The following SEMA3A variants were observed in gnomAD, a reference collection of about 807,000 sequenced individuals.
SEMA3A encodes the protein semaphorin 3A.
A neutral mutation model predicts 97.9 loss-of-function variants in SEMA3A; 29 were observed. The ratio of observed to expected loss-of-function variants is 0.30; its 90% CI spans 0.22 to 0.40. The LOEUF is 0.40. Among genes scored for constraint, SEMA3A ranks in the 10% least tolerant of loss-of-function variants. The pLI, the probability that SEMA3A is intolerant of heterozygous loss-of-function variation, is 1.00. For missense variants in SEMA3A, 763 were observed against 951.3 expected (o/e 0.80, Z 2.60); for synonymous variants, 321 against 323.7 (o/e 0.99, Z 0.09).
At chr7:84,225,915 A>C (rs1373159768) in intron 3 of SEMA3A, among the ~76,000 whole-genome samples, 1 of 152,142 alleles carries the variant, frequency 6.6e-6, no homozygotes, top group African/African-American at 2.4e-5. Context: ...GCACTTAAAC[A>C]GTTGTGGATG....
At chr7:84,042,055 C>T (rs1267533826) in intron 6 of SEMA3A, among the ~76,000 whole-genome samples, 3 of 152,024 alleles carry the variant, frequency 2.0e-5, no homozygotes, top group African/African-American at 7.2e-5. Flanking sequence ...TGTTAACTTG[C>T]GTATTCATAG....
At chr7:84,052,498 T>G (rs550717373) in intron 5 of SEMA3A, among the ~76,000 whole-genome samples, 27 of 152,308 alleles carry the variant, frequency 1.8e-4, no homozygotes, top group African/African-American at 6.3e-4. Context: ...TTTATTTGTG[T>G]AGAGGTGTTT....
intron 1 of SEMA3A, among the ~76,000 whole-genome samples, chr7:84,415,717 G>A (rs1167179272): frequency 6.6e-6 from 1 of 151,838 alleles, no homozygotes; most frequent in Non-Finnish European, 1.5e-5. Flanking sequence ...AGCATGTTTT[G>A]GCATTTTTTC....
At chr7:84,119,725 A>T (rs1197469566) in intron 3 of SEMA3A, among the ~76,000 whole-genome samples, 1 of 152,196 alleles carries the variant, frequency 6.6e-6, no homozygotes, top group East Asian at 1.9e-4. Flanking sequence ...AGACACATAT[A>T]GAAGAATACT....
intron 1 of SEMA3A, among the ~76,000 whole-genome samples, chr7:84,489,546 G>T (rs1227933709): frequency 6.6e-6 from 1 of 152,090 alleles, no homozygotes; most frequent in East Asian, 1.9e-4. Flanking sequence ...TTAGAACTCT[G>T]GAAGTAGTTG....
chr7:84,477,325 G>C (rs1043612342), intron 1 of SEMA3A, among the ~76,000 whole-genome samples: 1 of 149,348 alleles, frequency 6.7e-6, no homozygotes, highest in Non-Finnish European at 1.5e-5. Flanking sequence ...TGTAGTCCCA[G>C]CTACTCGGGA....
chr7:84,066,757 C>G (rs1793519053), intron 4 of SEMA3A, among the ~76,000 whole-genome samples: 1 of 151,792 alleles, frequency 6.6e-6, no homozygotes, highest in African/African-American at 2.4e-5. Context: ...AACCACTGCT[C>G]AATGAAATAA....
intron 3 of SEMA3A, among the ~76,000 whole-genome samples, chr7:84,272,065 C>T (rs781060324): frequency 2.0e-5 from 3 of 151,848 alleles, no homozygotes; most frequent in Non-Finnish European, 4.4e-5. Flanking sequence ...GAGTGTCTAG[C>T]GCCTTGCCTG....
intron 3 of SEMA3A, among the ~76,000 whole-genome samples, chr7:84,284,985 A>G (rs564702910): frequency 2.0e-5 from 3 of 152,174 alleles, no homozygotes; most frequent in Non-Finnish European, 4.4e-5. Context: ...GTGGACACCA[A>G]CAGGGAAAAC....
chr7:84,061,887 A>G (rs535154231), intron 4 of SEMA3A, among the ~76,000 whole-genome samples: 105 of 152,266 alleles, frequency 6.9e-4, no homozygotes, highest in African/African-American at 2.4e-3. Context: ...GTTAGTTCTA[A>G]AATCTATACT....
intron 15 of SEMA3A, among the ~76,000 whole-genome samples, chr7:83,970,565 G>A (rs1788872118): frequency 1.3e-5 from 2 of 152,126 alleles, no homozygotes; most frequent in Non-Finnish European, 2.9e-5. Context: ...GATGGATGAG[G>A]TTGTGAACCA....
chr7:84,302,819 G>C (rs973272943), intron 3 of SEMA3A, among the ~76,000 whole-genome samples: 1 of 152,052 alleles, frequency 6.6e-6, no homozygotes, highest in African/African-American at 2.4e-5. Flanking sequence ...AATTAGAGTT[G>C]GTGTTTGGGG....
chr7:84,004,831 AT>A (rs1444741666), intron 11 of SEMA3A, among the ~76,000 whole-genome samples: 1 of 152,188 alleles, frequency 6.6e-6, no homozygotes, highest in African/African-American at 2.4e-5. Context: ...GAAAGTAACG[AT>A]AGAAACTGGC....
At chr7:84,330,987 C>A (rs1296206238) in intron 2 of SEMA3A, among the ~76,000 whole-genome samples, 1 of 152,070 alleles carries the variant, frequency 6.6e-6, no homozygotes, top group Non-Finnish European at 1.5e-5. Flanking sequence ...AAGAATCATA[C>A]ACTGTTAGGT....
At chr7:84,489,109 T>C (rs1392369951) in intron 1 of SEMA3A, 1 of 152,412 alleles carries the variant, frequency 6.6e-6, no homozygotes, top group African/African-American at 2.4e-5. Flanking sequence ...TCCACATGGC[T>C]GAGGAGGCCT....
intron 4 of SEMA3A, among the ~76,000 whole-genome samples, chr7:84,066,426 T>A (rs1793500287): frequency 7.2e-6 from 1 of 139,614 alleles, no homozygotes; most frequent in Non-Finnish European, 1.5e-5. Flanking sequence ...GCCAGGGCAG[T>A]TAGGCAGGAG....
chr7:84,312,243 C>T (rs1801342557), intron 2 of SEMA3A, among the ~76,000 whole-genome samples: 1 of 151,736 alleles, frequency 6.6e-6, no homozygotes, highest in Non-Finnish European at 1.5e-5. Context: ...AGAAAATTAA[C>T]ATATGTGTCC....
chr7:84,329,328 C>T (rs1801854750), intron 2 of SEMA3A, among the ~76,000 whole-genome samples: 2 of 152,000 alleles, frequency 1.3e-5, no homozygotes, highest in African/African-American at 4.8e-5. Flanking sequence ...CCGTGTCCAA[C>T]CCTTTGAATG....
In SEMA3A at chr7:84,063,477, C is replaced by T. The variant is rs529972433; in HGVS notation, c.454-2919G>A. Among the ~76,000 whole-genome samples the T allele has an allele frequency of 5.4e-3, 809 of 150,850 alleles. 1 individual carries two copies. The highest frequency in any genetic ancestry group is 0.031 in the Middle Eastern group (9 of 290). ...CAGACGATCAAATTACTCTGAGCTA[C>T]GGAAGGACATTCAAACCAAAGGCAA... On this transcript the variant is annotated intron_variant, in intron 4 of 16. Coordinates refer to ENST00000265362, the MANE Select transcript of SEMA3A (RefSeq NM_006080.3).
Sources: allele counts gnomAD v4.1 joint callset (sites outside exome capture counted in the v4.1 genomes callset), GRCh38; gene constraint gnomAD v4.1.1; transcripts MANE v1.5; gene names NCBI Gene and HGNC (gene_info 2026-07-23, HGNC 2026-07-21).